SLC38A4: variants seen among roughly 807,000 people sequenced by gnomAD.
The protein encoded by SLC38A4 is sodium-coupled neutral amino acid transporter 4.
A neutral mutation model predicts 63.1 loss-of-function variants in SLC38A4; 20 were observed. The ratio of observed to expected loss-of-function variants is 0.32; its 90% CI spans 0.22 to 0.46. SLC38A4 has a LOEUF of 0.46. SLC38A4 is among the 20% of genes least tolerant of loss of function. The probability of loss-of-function intolerance (pLI) is 1.00; values close to 1 mark genes in which losing one functional copy is unlikely to be tolerated. For missense variants in SLC38A4, 526 were observed against 663.6 expected, an observed-to-expected ratio of 0.79 and a Z score of 2.28; for synonymous variants, 230 against 225.5, an observed-to-expected ratio of 1.02 and a Z score of -0.18.
chr12:46,831,926 C>G (rs1939737011), intron 1 of SLC38A4, among the ~76,000 whole-genome samples: 1 of 152,054 alleles, frequency 6.6e-6, no homozygotes, highest in South Asian at 2.1e-4. Context: ...CCAGGGAATC[C>G]CAGTGCGGGA....
Position 46,766,566 on chromosome 12 carries a change from G to A in SLC38A4, c.*135C>T, listed in dbSNP as rs780973332. On this transcript the variant is annotated 3_prime_UTR_variant, in exon 17 of 17. Transcript: ENST00000266579. ...TTTTCCTCTTCTGCAGGTGCCTGGT[G>A]ATATTACTGGTAAACGTCTTTGGAA... 106 of 727,736 alleles carry A rather than the reference G, an allele frequency of 1.5e-4. No homozygotes were observed. Among genetic ancestry groups the A allele is most frequent in the Non-Finnish European group, 1.6e-4 (63 of 406,326 alleles). The allele number at this position is 727,736 out of a possible 1,614,324, so 45.1% of individuals were successfully genotyped here.
intron 1 of SLC38A4, 73 bp from the exon 2 acceptor site, chr12:46,803,867 T>C (rs970983999): frequency 2.8e-4 from 42 of 151,994 alleles, no homozygotes; most frequent in African/African-American, 1.0e-3. Flanking sequence ...GTTACACCAA[T>C]TTCTATTTGC....
At chr12:46,805,383 A>C (rs114921259) in intron 1 of SLC38A4, among the ~76,000 whole-genome samples, 1,546 of 152,150 alleles carry the variant, frequency 0.01, 22 homozygotes, top group African/African-American at 0.034. Flanking sequence ...CTAATTTGGC[A>C]AAAGTTAATA....
chr12:46,802,099 A>AT, intron 2 of SLC38A4, among the ~76,000 whole-genome samples: 1 of 152,170 alleles, frequency 6.6e-6, no homozygotes, highest in East Asian at 1.9e-4. Context: ...CAGCCATTTG[A>AT]TGAGGTATAA....
chr12:46,788,592 C>A lies in SLC38A4; in HGVS notation c.146G>T (p.Ser49Ile), dbSNP rs769916902. ...SSQFANEDTESQKFLTNGFLG... is the reference protein window; with the variant it reads ...SSQFANEDTEIQKFLTNGFLG... The stretch of plus-strand genomic sequence containing the variant: ...AAATCCATTTGTCAGGAATTTCTGA[C>A]TTTCAGTGTCTTCATTAGCAAATTG... The change falls in exon 4 of 17, where the codon AGT becomes ATT. Residue 49 changes from serine (S) to isoleucine (I), a missense_variant. Ser to Ile is a moderately radical substitution (Grantham distance 142). Coordinates refer to ENST00000266579, the MANE Select transcript of SLC38A4 (RefSeq NM_018018.5). 2 of 1,613,626 alleles carry A rather than the reference C, an allele frequency of 1.2e-6. No homozygotes were observed. The highest frequency in any genetic ancestry group is 2.2e-5 in the East Asian group (1 of 44,842).
At chr12:46,782,509 G>C (rs1431384269) in intron 7 of SLC38A4, among the ~76,000 whole-genome samples, 1 of 151,830 alleles carries the variant, frequency 6.6e-6, no homozygotes, top group African/African-American at 2.4e-5. Context: ...TTAGGCATAG[G>C]GGAAAACCTA....
chr12:46,774,550 T>G (rs762960367), intron 14 of SLC38A4, among the ~76,000 whole-genome samples: 37 of 152,022 alleles, frequency 2.4e-4, no homozygotes, highest in Non-Finnish European at 5.1e-4. Flanking sequence ...TTGAAAAATT[T>G]TTTTCTGGTA....
intron 1 of SLC38A4, among the ~76,000 whole-genome samples, chr12:46,811,875 C>CAA (rs148568451): frequency 2.0e-5 from 3 of 149,950 alleles, no homozygotes; most frequent in East Asian, 2.0e-4. Context: ...TAAACTATGT[C>CAA]AAAAAAAAAG....
In SLC38A4 at chr12:46,825,923, G is replaced by A. The variant is rs150758201; in HGVS notation, c.-325C>T. The stretch of plus-strand genomic sequence containing the variant: ...CAAACCTGTGTGAGTGGGGTGTCCC[G>A]AGGCGGCAGCCTCCCGCGATCCTCC... On this transcript the variant is annotated 5_prime_UTR_variant, in exon 1 of 17. Transcript: ENST00000266579. 1,201 of 152,576 alleles carry A rather than the reference G, an allele frequency of 7.9e-3. 13 individuals are homozygous for A. The highest frequency in any genetic ancestry group is 0.035 in the South Asian group (169 of 4,832). The allele number at this position is 152,576 out of a possible 1,614,324, so 9.5% of individuals were successfully genotyped here.
chr12:46,784,456 G>A, intron 7 of SLC38A4, 86 bp downstream of exon 7: 2 of 948,676 alleles, frequency 2.1e-6, no homozygotes, highest in South Asian at 4.2e-5. Flanking sequence ...TGTATCTAAA[G>A]TGCCTGTTTA....
chr12:46,784,543 T>G lies in SLC38A4; in HGVS notation c.492A>C (p.Gly164=). The change falls in exon 7 of 17, where the codon GGA becomes GGC. Residue 164 remains glycine (G), a splice_region_variant and synonymous_variant. Coordinates refer to ENST00000266579, the MANE Select transcript of SLC38A4 (RefSeq NM_018018.5). The stretch of plus-strand genomic sequence containing the variant: ...CCATTGAAAAGTATATCCCCTTACC[T>G]CCAATGTTCTGCATTGTAATGGAAA... The part of the protein sequence containing the change: ...AFVSITMQNI[G]AMSSYLFIIK... 6.2e-7 allele frequency: 1 copy of G among 1,610,866 alleles called. No individual in the cohort carries two copies. Among genetic ancestry groups the G allele is most frequent in the Admixed American group, 1.7e-5 (1 of 59,814 alleles).
intron 3 of SLC38A4, among the ~76,000 whole-genome samples, chr12:46,790,465 T>A (rs1938861778): frequency 6.6e-6 from 1 of 152,144 alleles, no homozygotes; most frequent in South Asian, 2.1e-4. Flanking sequence ...GTAATTAATG[T>A]ACCTGCTATG....
Position 46,776,759 on chromosome 12 carries a change from CA to C in SLC38A4, c.1174+144del, listed in dbSNP as rs1214081451. The C allele has an allele frequency of 1.4e-5, 9 of 631,776 alleles. No homozygotes were observed. The African/African-American group carries it at 1.5e-4, about 11-fold the overall frequency. 39.1% of individuals were successfully genotyped at this position (631,776 alleles called of 1,614,324 possible). A position where few individuals can be genotyped will look rare whatever the true frequency, so the allele number is the denominator to read the frequency against. Reference sequence around the variant, plus strand: ...GGCCCCATTTCCTCAGGTCAAGTGACAAAACTAAAATAGTATATTAATTGAA... The same window carrying C: ...GGCCCCATTTCCTCAGGTCAAGTGACAAACTAAAATAGTATATTAATTGAA... On this transcript the variant is annotated intron_variant, in intron 13 of 16. Coordinates refer to ENST00000266579, the MANE Select transcript of SLC38A4 (RefSeq NM_018018.5).
intron 2 of SLC38A4, among the ~76,000 whole-genome samples, chr12:46,801,939 A>G (rs1159871056): frequency 6.6e-6 from 1 of 152,084 alleles, no homozygotes; most frequent in African/African-American, 2.4e-5. Context: ...TGCTAGTGCT[A>G]ATATTTTGGC....
upstream of SLC38A4, among the ~76,000 whole-genome samples, chr12:46,827,421 A>G (rs1262966651): frequency 1.3e-5 from 2 of 152,222 alleles, no homozygotes; most frequent in African/African-American, 4.8e-5. Flanking sequence ...AGCTTGGAAT[A>G]AAAACCTGGA....
intron 1 of SLC38A4, among the ~76,000 whole-genome samples, chr12:46,815,284 T>TATATATACACACAC (rs1555173035): frequency 1.2e-5 from 1 of 82,974 alleles, no homozygotes; most frequent in Non-Finnish European, 2.2e-5. Flanking sequence ...TATATATATA[T>TATATATACACACAC]ACACACACAC....
chr12:46,811,141 A>G (rs1015641761), intron 1 of SLC38A4, among the ~76,000 whole-genome samples: 2 of 152,024 alleles, frequency 1.3e-5, no homozygotes, highest in African/African-American at 4.8e-5. Context: ...CTGAACACCT[A>G]CATGTGCCAG....
rs151094441 is a variant in SLC38A4, at chr12:46,813,690, T to C, written c.-304-9896A>G. 9.0e-3 allele frequency among the ~76,000 whole-genome samples: 1,363 copies of C among 152,158 alleles called. 8 individuals carry two copies. Among genetic ancestry groups the C allele is most frequent in the Admixed American group, 0.022 (332 of 15,244 alleles). ...GCACAGCACAGAGTCAAATAGTAGA[T>C]TCTGGAGCTCCACTGCCTAGACTTA... On this transcript the variant is annotated intron_variant, in intron 1 of 16. Coordinates refer to ENST00000266579, the MANE Select transcript of SLC38A4 (RefSeq NM_018018.5).
At chr12:46,829,904 T>C (rs1223897306), upstream of SLC38A4, among the ~76,000 whole-genome samples, 2 of 152,204 alleles carry the variant, frequency 1.3e-5, no homozygotes. Flanking sequence ...ATCTATAAAA[T>C]GGGTATAATA....
Sources: gnomAD v4.1 joint callset for allele counts (sites outside exome capture counted in the v4.1 genomes callset) on GRCh38, gnomAD v4.1.1 for gene constraint, MANE v1.5 for transcripts, NCBI Gene and HGNC (gene_info 2026-07-23, HGNC 2026-07-21) for gene names.